CALN1: variants seen among roughly 807,000 people sequenced by gnomAD.
CALN1 encodes calcium-binding protein 8.
A neutral mutation model predicts 30.6 loss-of-function variants in CALN1; 17 were observed. That is an observed-to-expected ratio of 0.56 (90% CI 0.38 to 0.83). CALN1 has a LOEUF of 0.83. CALN1 is among the 40% of genes least tolerant of loss of function. The pLI is 0.00. For missense variants in CALN1, 291 were observed against 354.9 expected, an observed-to-expected ratio of 0.82 and a Z score of 1.45; for synonymous variants, 156 against 131.4, an observed-to-expected ratio of 1.19 and a Z score of -1.28.
intron 2 of CALN1, among the ~76,000 whole-genome samples, chr7:72,317,042 G>GAGAGAA (rs1800511288): frequency 1.4e-5 from 2 of 142,596 alleles, no homozygotes; most frequent in African/African-American, 5.5e-5. Context: ...GGAGGGAAGA[G>GAGAGAA]AGAGAGAGAA....
chr7:71,989,297 G>C (rs1385051968), intron 5 of CALN1, among the ~76,000 whole-genome samples: 1 of 152,132 alleles, frequency 6.6e-6, no homozygotes, highest in Non-Finnish European at 1.5e-5. Context: ...AATTAGCTGG[G>C]CGTGATGGCA....
At chr7:72,264,891 T>C (rs1035118621) in intron 3 of CALN1, among the ~76,000 whole-genome samples, 1 of 152,176 alleles carries the variant, frequency 6.6e-6, no homozygotes, top group African/African-American at 2.4e-5. Context: ...TATGTGACCA[T>C]GTGTTCTCAT....
rs565848525 is a variant in CALN1, at chr7:72,261,273, AT to A, written c.244+17412del. 1.1e-4 allele frequency among the ~76,000 whole-genome samples: 16 copies of A among 152,288 alleles called. No individual in the cohort carries two copies. In the East Asian group the frequency reaches 3.1e-3, roughly 29 times the overall value. On this transcript the variant is annotated intron_variant, in intron 3 of 6. Coordinates refer to ENST00000395275, the MANE Select transcript of CALN1 (RefSeq NM_031468.4). ...CAGTAAGCGGAGATCACGCCACTGCATTCCAGCCTGGGTGACAGAGCGAGAC... is the reference window on the plus strand; with the variant it reads ...CAGTAAGCGGAGATCACGCCACTGCATCCAGCCTGGGTGACAGAGCGAGAC...
At chr7:72,094,266 T>C (rs903795055) in intron 4 of CALN1, among the ~76,000 whole-genome samples, 9 of 142,516 alleles carry the variant, frequency 6.3e-5, no homozygotes, top group Non-Finnish European at 1.4e-4. Context: ...TAGGTGCACA[T>C]ACCAGAATTT....
At chr7:72,140,661 C>G (rs894672073) in intron 3 of CALN1, among the ~76,000 whole-genome samples, 9 of 152,344 alleles carry the variant, frequency 5.9e-5, no homozygotes, top group African/African-American at 2.2e-4. Flanking sequence ...AATGAATGAA[C>G]AGAGGCAACC....
At chr7:72,000,541 A>G (rs1019486905) in intron 5 of CALN1, among the ~76,000 whole-genome samples, 3 of 152,152 alleles carry the variant, frequency 2.0e-5, no homozygotes, top group Non-Finnish European at 4.4e-5. Flanking sequence ...AGATTTTGAA[A>G]AAAAGAAAAA....
chr7:72,297,150 G>A (rs1798922668), intron 2 of CALN1, among the ~76,000 whole-genome samples: 1 of 152,110 alleles, frequency 6.6e-6, no homozygotes, highest in African/African-American at 2.4e-5. Context: ...TGGTTTCAAA[G>A]AACATCTTTA....
intron 2 of CALN1, among the ~76,000 whole-genome samples, chr7:72,396,254 A>AAAAAAAAAAAAT (rs71069065): frequency 1.3e-5 from 1 of 78,138 alleles, no homozygotes; most frequent in South Asian, 4.2e-4. Context: ...AAAAAAAAAA[A>AAAAAAAAAAAAT]AAAGAAAGAA....
At position 72,120,486 on chromosome 7, in the gene CALN1, T is replaced by A. The variant is rs538190940; in HGVS notation, c.245-14192A>T. On this transcript the variant is annotated intron_variant, in intron 3 of 6. Coordinates refer to ENST00000395275, the MANE Select transcript of CALN1 (RefSeq NM_031468.4). The stretch of plus-strand genomic sequence containing the variant: ...TTAGATAATTCCCAATTTTACATAA[T>A]GTTGCAATGGAAATCTTTGTACACA... 4.6e-5 allele frequency among the ~76,000 whole-genome samples: 7 copies of A among 152,318 alleles called. No individual in the cohort carries two copies. In the South Asian group the frequency reaches 1.2e-3, roughly 27 times the overall value.
intron 5 of CALN1, among the ~76,000 whole-genome samples, chr7:71,966,457 G>C (rs1309049116): frequency 6.6e-6 from 1 of 152,072 alleles, no homozygotes; most frequent in Non-Finnish European, 1.5e-5. Flanking sequence ...CATCCTTCTG[G>C]TACTGTCCTC....
intron 1 of CALN1, among the ~76,000 whole-genome samples, chr7:72,405,489 C>T (rs974197915): frequency 6.6e-6 from 1 of 152,260 alleles, no homozygotes; most frequent in South Asian, 2.1e-4. Flanking sequence ...GGAGCACTCA[C>T]CCCCACACCC....
the CALN1 span, among the ~76,000 whole-genome samples, chr7:72,455,925 G>A: frequency 7.2e-5 from 11 of 152,266 alleles, no homozygotes; most frequent in African/African-American, 2.2e-4. Flanking sequence ...GTGAGTTCAC[G>A]CCTGTAATCC....
At chr7:72,408,569 A>G (rs1215495632) in intron 1 of CALN1, among the ~76,000 whole-genome samples, 1 of 151,890 alleles carries the variant, frequency 6.6e-6, no homozygotes, top group Non-Finnish European at 1.5e-5. Context: ...CATCATGGAT[A>G]ATTTTTTGTA....
intron 5 of CALN1, among the ~76,000 whole-genome samples, chr7:71,821,335 C>T (rs1020115579): frequency 2.0e-5 from 3 of 152,096 alleles, no homozygotes; most frequent in Non-Finnish European, 2.9e-5. Context: ...TGAAGACATA[C>T]CCGAGACTGG....
chr7:72,044,102 T>G (rs1802307540), intron 4 of CALN1, among the ~76,000 whole-genome samples: 1 of 151,928 alleles, frequency 6.6e-6, no homozygotes. Context: ...AAGATGAGAT[T>G]TGGGTGGGGA....
chr7:72,267,678 T>C (rs1426741179), intron 3 of CALN1, among the ~76,000 whole-genome samples: 2 of 152,210 alleles, frequency 1.3e-5, no homozygotes, highest in Admixed American at 6.5e-5. Flanking sequence ...GTTATTTAAC[T>C]TCTGGATTTT....
intron 5 of CALN1, among the ~76,000 whole-genome samples, chr7:71,820,865 G>A (rs1788547005): frequency 6.6e-6 from 1 of 152,204 alleles, no homozygotes; most frequent in Non-Finnish European, 1.5e-5. Context: ...TTCTGAGACT[G>A]AAGTAGGCTA....
chr7:72,344,054 A>C (rs759590314), intron 2 of CALN1, among the ~76,000 whole-genome samples: 22 of 151,992 alleles, frequency 1.4e-4, no homozygotes, highest in Admixed American at 5.9e-4. Context: ...TTATTTATGT[A>C]TTTATTTAGA....
intron 2 of CALN1, among the ~76,000 whole-genome samples, chr7:72,367,145 A>G (rs1021841086): frequency 2.0e-5 from 3 of 152,178 alleles, no homozygotes; most frequent in African/African-American, 7.2e-5. Context: ...ATGTCATTAG[A>G]AGTCAGAATA....
Sources: gnomAD v4.1 joint callset for allele counts (sites outside exome capture counted in the v4.1 genomes callset) on GRCh38, gnomAD v4.1.1 for gene constraint, MANE v1.5 for transcripts, NCBI Gene and HGNC (gene_info 2026-07-23, HGNC 2026-07-21) for gene names.